Variants in ITGAM observed in about 807,000 individuals in gnomAD.
The protein encoded by ITGAM is integrin subunit alpha M.
In ITGAM, 79 loss-of-function variants were observed where a neutral mutation model predicts 137.5. That is an observed-to-expected ratio of 0.57 (90% CI 0.48 to 0.69). The LOEUF (loss-of-function observed/expected upper bound fraction) is 0.69, where lower values mean the gene tolerates loss of function less well. Among genes scored for constraint, ITGAM ranks in the 30% least tolerant of loss-of-function variants. The pLI is 0.00. For synonymous variants in ITGAM, 583 were observed against 592.3 expected, an observed-to-expected ratio of 0.98 and a Z score of 0.23; for missense variants, 1,343 against 1,483.5, an observed-to-expected ratio of 0.91 and a Z score of 1.56.
chr16:31,268,894 A>C (rs1384286407), intron 5 of ITGAM, among the ~76,000 whole-genome samples: 2 of 152,188 alleles, frequency 1.3e-5, no homozygotes, highest in Non-Finnish European at 2.9e-5. Flanking sequence ...CCAGTAATGT[A>C]ACTGCCCAAG....
chr16:31,266,194 G>A (rs371355810), intron 5 of ITGAM, 47 bp downstream of exon 5: 2 of 1,354,424 alleles, frequency 1.5e-6, no homozygotes, highest in Admixed American at 1.7e-5. Context: ...AAAAGACCAG[G>A]GGAGGGGGCA....
At chr16:31,313,970 T>C (rs1038966369) in intron 14 of ITGAM, among the ~76,000 whole-genome samples, 2 of 152,230 alleles carry the variant, frequency 1.3e-5, no homozygotes, top group African/African-American at 2.4e-5. Flanking sequence ...TGCATTTCTC[T>C]AATGACCAGT....
chr16:31,315,706 GC>G (rs1458701878), intron 14 of ITGAM, among the ~76,000 whole-genome samples: 3 of 151,830 alleles, frequency 2.0e-5, no homozygotes, highest in Non-Finnish European at 4.4e-5. Flanking sequence ...TAATCCACCC[GC>G]CTCAGTCTCC....
intron 14 of ITGAM, among the ~76,000 whole-genome samples, chr16:31,302,517 TTCTTTC>T (rs1418409163): frequency 6.7e-6 from 1 of 149,672 alleles, no homozygotes. Context: ...TTTCTTTTTT[TTCTTTC>T]TCTTTCTCTT....
chr16:31,298,395 G>GCACACA (rs141373360), intron 14 of ITGAM, among the ~76,000 whole-genome samples: 5 of 150,938 alleles, frequency 3.3e-5, no homozygotes, highest in Non-Finnish European at 7.4e-5. Flanking sequence ...GCGTGCACGT[G>GCACACA]CACACACACA....
rs578164519 is a variant in ITGAM at position 31,298,022 on chromosome 16, GC to G, written c.1707+71del. ...GTTGATCTTTCTCCTAATTCAGTGT[GC>G]CCACAGCTGCCAGATAAGTTCTCAC... On this transcript the variant is annotated intron_variant, in intron 14 of 29. Coordinates refer to ENST00000544665, the MANE Select transcript of ITGAM (RefSeq NM_000632.4). 740 of 1,252,372 alleles carry G rather than the reference GC, an allele frequency of 5.9e-4. 1 individual carries two copies. The African/African-American group carries it at 9.7e-3, about 16-fold the overall frequency. 77.6% of individuals were successfully genotyped at this position (1,252,372 alleles called of 1,614,324 possible). A position where few individuals can be genotyped will look rare whatever the true frequency, so the allele number is the denominator to read the frequency against.
chr16:31,312,434 T>C (rs8060548), intron 14 of ITGAM, among the ~76,000 whole-genome samples: 8,335 of 152,222 alleles, frequency 0.055, 789 homozygotes, highest in African/African-American at 0.19. Context: ...TTATTTATTA[T>C]TATTATTTTT....
intron 8 of ITGAM, among the ~76,000 whole-genome samples, chr16:31,274,837 C>T (rs955773205): frequency 6.6e-6 from 1 of 152,112 alleles, no homozygotes; most frequent in African/African-American, 2.4e-5. Flanking sequence ...CCAGGTTGGT[C>T]TTGAACTCCT....
chr16:31,290,503 A>G (rs1036000293), intron 12 of ITGAM, among the ~76,000 whole-genome samples: 5 of 152,230 alleles, frequency 3.3e-5, no homozygotes, highest in South Asian at 2.1e-4. Flanking sequence ...CTGAACAGAT[A>G]TAGAACTCTA....
rs550459127 is a variant in ITGAM at position 31,310,236 on chromosome 16, T to C, written c.1708-11005T>C. Reference sequence around the variant, plus strand: ...CTCTGTATTTCCTGAATTTGAATGTTGGCCTGCCTTGCTAGATTGGGGAAG... The same window carrying C: ...CTCTGTATTTCCTGAATTTGAATGTCGGCCTGCCTTGCTAGATTGGGGAAG... On this transcript the variant is annotated intron_variant, in intron 14 of 29. Coordinates refer to ENST00000544665, the MANE Select transcript of ITGAM (RefSeq NM_000632.4). Among the ~76,000 whole-genome samples the C allele has an allele frequency of 9.8e-5, 15 of 152,292 alleles. No homozygotes were observed. The East Asian group carries it at 2.7e-3, about 28-fold the overall frequency.
chr16:31,265,157 C>T (rs1048994195), intron 2 of ITGAM, among the ~76,000 whole-genome samples: 2 of 152,148 alleles, frequency 1.3e-5, no homozygotes, highest in Admixed American at 6.5e-5. Context: ...CATGAGCCAC[C>T]GCGCCTGGTC....
At chr16:31,270,736 TATA>T (rs1386505713) in intron 5 of ITGAM, among the ~76,000 whole-genome samples, 6 of 115,680 alleles carry the variant, frequency 5.2e-5, no homozygotes, top group Non-Finnish European at 8.8e-5. Context: ...TATATATATA[TATA>T]TATATGTTTT....
intron 12 of ITGAM, among the ~76,000 whole-genome samples, chr16:31,283,360 C>G (rs578187106): frequency 2.0e-5 from 3 of 152,342 alleles, no homozygotes; most frequent in East Asian, 1.9e-4. Flanking sequence ...GTACACCAAT[C>G]AGACGTAGAT....
At chr16:31,261,968 G>A (rs2079704546) in intron 2 of ITGAM, among the ~76,000 whole-genome samples, 171 bp downstream of exon 2, 1 of 152,070 alleles carries the variant, frequency 6.6e-6, no homozygotes, top group Non-Finnish European at 1.5e-5. Flanking sequence ...ATGCAAAAGG[G>A]TGTAAGAGTA....
At position 31,297,585 on chromosome 16, in the gene ITGAM, C is replaced by T. The variant is rs757493531; in HGVS notation, c.1428C>T (p.Leu476=). ...VDSNGSTDLV[L]IGAPHYYEQT... ...GCAACGGCAGCACCGACCTGGTCCT[C>T]ATCGGGGCCCCCCATTACTACGAGC... The change falls in exon 13 of 30, where the codon CTC becomes CTT. Residue 476 remains leucine, a synonymous_variant. Transcript: ENST00000544665. 17 of 1,612,540 alleles carry T rather than the reference C, an allele frequency of 1.1e-5. No homozygotes were observed. In the Admixed American group the frequency reaches 2.5e-4, roughly 24 times the overall value.
chr16:31,298,060 C>T, intron 14 of ITGAM, 106 bp downstream of exon 14: 1 of 910,062 alleles, frequency 1.1e-6, no homozygotes, highest in Non-Finnish European at 1.7e-6. Context: ...GTACTCCTTT[C>T]AGAACCTTCA....
chr16:31,324,360 G>C lies in ITGAM; in HGVS notation c.2003-39G>C, dbSNP rs1303768907. Reference sequence around the variant, plus strand: ...GAACTCCCATCTGCCGGGTTCCGAGGCTCAGGCCCCTCACTGCTGTGCCAC... The same window carrying C: ...GAACTCCCATCTGCCGGGTTCCGAGCCTCAGGCCCCTCACTGCTGTGCCAC... On this transcript the variant is annotated intron_variant, in intron 16 of 29. Transcript: ENST00000544665. This position sits in a 1 kb window ranked among gnomAD's most constrained non-coding sequence, Gnocchi z 4.5. 2 of 1,540,860 alleles carry C rather than the reference G, an allele frequency of 1.3e-6. No individual in the cohort carries two copies. Among genetic ancestry groups the C allele is most frequent in the Admixed American group, 3.9e-5 (2 of 50,896 alleles).
At chr16:31,317,229 C>T (rs1197953567) in intron 14 of ITGAM, among the ~76,000 whole-genome samples, 2 of 152,096 alleles carry the variant, frequency 1.3e-5, no homozygotes, top group Non-Finnish European at 2.9e-5. Context: ...GTTAACTAGA[C>T]ACTTTTTTTA....
In ITGAM at chr16:31,278,055, G is replaced by A; in HGVS notation, c.1302G>A (p.Met434Ile). 6.2e-7 allele frequency: 1 copy of A among 1,608,590 alleles called. No individual in the cohort carries two copies. Among genetic ancestry groups the A allele is most frequent in the Middle Eastern group, 1.7e-4 (1 of 6,056 alleles). Residue 434 changes from methionine (M) to isoleucine (I), a missense_variant, in exon 12 of 30, where the codon ATG becomes ATA. By Grantham distance (10) the Met-to-Ile change is conservative. Coordinates refer to ENST00000544665, the MANE Select transcript of ITGAM (RefSeq NM_000632.4). ...PRYQHIGLVA[M>I]FRQNTGMWES... Reference sequence around the variant, plus strand: ...ATCAGCACATCGGCCTGGTAGCGATGTTCAGGCAGAACACTGGCATGTGGG... The same window carrying A: ...ATCAGCACATCGGCCTGGTAGCGATATTCAGGCAGAACACTGGCATGTGGG...
Sources: gnomAD v4.1 joint callset for allele counts (sites outside exome capture counted in the v4.1 genomes callset) on GRCh38, gnomAD v4.1.1 for gene constraint, Gnocchi (gnomAD v3.1) non-coding constraint, MANE v1.5 for transcripts, NCBI Gene and HGNC (gene_info 2026-07-23, HGNC 2026-07-21) for gene names.